Variants in ATP8B1 observed in about 807,000 individuals in gnomAD.
ATP8B1 encodes the protein phospholipid-transporting ATPase IC.
In ATP8B1, 80 loss-of-function variants were observed where a neutral mutation model predicts 149.9. The ratio of observed to expected loss-of-function variants is 0.53; its 90% confidence interval spans 0.45 to 0.64. ATP8B1 has a LOEUF of 0.64. ATP8B1 is among the 30% of genes least tolerant of loss of function. The pLI is 0.00. For missense variants in ATP8B1, 1,247 were observed against 1,552.6 expected (o/e 0.80, Z 3.31); for synonymous variants, 536 against 562.8 (o/e 0.95, Z 0.67).
chr18:57,662,148 T>C (rs1910495065), intron 21 of ATP8B1, among the ~76,000 whole-genome samples: 1 of 152,170 alleles, frequency 6.6e-6, no homozygotes, highest in African/African-American at 2.4e-5. Flanking sequence ...ACCCTCCTGC[T>C]TCAACCTCCA....
intron 2 of ATP8B1, among the ~76,000 whole-genome samples, chr18:57,717,547 CAAAAAAAAAAAAAAAAAAAAAAAA>C (rs1163024544): frequency 2.3e-3 from 46 of 19,922 alleles, no homozygotes; most frequent in East Asian, 0.015. Context: ...GACTCTGTCT[CAAAAAAAAAAAAAAAAAAAAAAAA>C]AAAAAAAAAA....
At chr18:57,735,089 TG>T (rs1403012424) in intron 1 of ATP8B1, 1 of 152,434 alleles carries the variant, frequency 6.6e-6, no homozygotes, top group Non-Finnish European at 1.5e-5. Context: ...CAACCCCCTT[TG>T]GGTCCCCTCC....
intron 1 of ATP8B1, among the ~76,000 whole-genome samples, chr18:57,777,290 T>TATC (rs1414835807): frequency 6.6e-6 from 1 of 152,194 alleles, no homozygotes. Context: ...GCTAATTTCT[T>TATC]ATCTATTGAA....
chr18:57,681,923 A>G (rs926633476), intron 15 of ATP8B1, among the ~76,000 whole-genome samples: 12 of 152,190 alleles, frequency 7.9e-5, no homozygotes, highest in African/African-American at 2.4e-4. Context: ...CTAGAAGCCA[A>G]CATGTCTCTA....
At position 57,685,023 on chromosome 18, in the gene ATP8B1, C is replaced by T. The variant is rs1322192267; in HGVS notation, c.1473+49G>A. ...CAAAGGAAGCATGGCCCTGCTGGGA[C>T]CCTGACATCCCCAGCATCCCAAACG... On this transcript the variant is annotated intron_variant, in intron 14 of 27. Transcript: ENST00000648908. 2.5e-6 allele frequency: 4 copies of T among 1,600,388 alleles called. No individual in the cohort carries two copies. The Admixed American group carries it at 6.7e-5, about 27-fold the overall frequency.
chr18:57,709,632 G>C (rs1050176597), intron 2 of ATP8B1, among the ~76,000 whole-genome samples: 2 of 152,036 alleles, frequency 1.3e-5, no homozygotes, highest in Non-Finnish European at 2.9e-5. Flanking sequence ...TTTACAGAAA[G>C]AGTAAGCATC....
At chr18:57,747,841 G>C (rs568812974) in intron 1 of ATP8B1, among the ~76,000 whole-genome samples, 8 of 152,278 alleles carry the variant, frequency 5.3e-5, no homozygotes, top group Middle Eastern at 3.4e-3. Context: ...AGTCAGCTTA[G>C]AGTACTCAAC....
At chr18:57,800,918 A>G (rs898469945) in intron 1 of ATP8B1, among the ~76,000 whole-genome samples, 2 of 152,246 alleles carry the variant, frequency 1.3e-5, no homozygotes, top group African/African-American at 4.8e-5. Flanking sequence ...TAGTGACTCC[A>G]TTAGCACTAA....
chr18:57,774,638 CG>C (rs1326841816), intron 1 of ATP8B1, among the ~76,000 whole-genome samples: 1 of 152,080 alleles, frequency 6.6e-6, no homozygotes, highest in Non-Finnish European at 1.5e-5. Context: ...CTCTTCTAAC[CG>C]GAATGTACAC....
chr18:57,742,692 T>C (rs1276252737), intron 1 of ATP8B1, among the ~76,000 whole-genome samples: 1 of 151,856 alleles, frequency 6.6e-6, no homozygotes, highest in East Asian at 1.9e-4. Context: ...AAGAATTAGC[T>C]GGGCACCTGT....
chr18:57,670,763 A>G (rs1370735942), intron 17 of ATP8B1, among the ~76,000 whole-genome samples: 3 of 151,172 alleles, frequency 2.0e-5, no homozygotes, highest in African/African-American at 7.3e-5. Flanking sequence ...CTGGAGTGCA[A>G]TGGTACGATC....
intron 1 of ATP8B1, among the ~76,000 whole-genome samples, chr18:57,751,042 G>A (rs1015825800): frequency 2.6e-5 from 4 of 152,178 alleles, no homozygotes; most frequent in African/African-American, 9.7e-5. Context: ...AGAATTGCTT[G>A]AGCCCAGGAG....
chr18:57,676,348 G>A (rs1327311902), intron 15 of ATP8B1, among the ~76,000 whole-genome samples: 1 of 150,818 alleles, frequency 6.6e-6, no homozygotes, highest in African/African-American at 2.4e-5. Context: ...TTTTTGTAGA[G>A]ACAGGATCTC....
intron 1 of ATP8B1, among the ~76,000 whole-genome samples, chr18:57,791,357 T>C (rs2123451979): frequency 6.7e-6 from 1 of 148,284 alleles, no homozygotes; most frequent in East Asian, 1.9e-4. Flanking sequence ...TTTTCTTTTT[T>C]TTTTTTTTTT....
intron 3 of ATP8B1, among the ~76,000 whole-genome samples, chr18:57,705,081 G>C (rs1458714066): frequency 1.3e-5 from 2 of 152,072 alleles, no homozygotes; most frequent in African/African-American, 2.4e-5. Context: ...CCTTAAAAAA[G>C]AAAAGAAGAA....
At chr18:57,796,960 G>A (rs1311557268) in intron 1 of ATP8B1, among the ~76,000 whole-genome samples, 1 of 152,178 alleles carries the variant, frequency 6.6e-6, no homozygotes, top group African/African-American at 2.4e-5. Context: ...AAAATGTTAA[G>A]TGTTCCTTCT....
chr18:57,651,940 C>G (rs1418658035), intron 26 of ATP8B1, 94 bp downstream of exon 26: 8 of 1,478,648 alleles, frequency 5.4e-6, no homozygotes, highest in Non-Finnish European at 7.5e-6. Context: ...AGCCATTCCA[C>G]CTTGTATATT....
chr18:57,717,523 G>C (rs1340920922), intron 2 of ATP8B1, among the ~76,000 whole-genome samples: 1 of 95,536 alleles, frequency 1.0e-5, no homozygotes, highest in Non-Finnish European at 1.8e-5. Flanking sequence ...ACTCCAACCT[G>C]GGTAACAGAG....
Position 57,655,421 on chromosome 18 carries a change from T to G in ATP8B1, c.2708-4A>C, listed in dbSNP as rs1386745588. ...ATTCCAACGCCAATGTGGGCAGCTA[T>G]GGGGCAGAGGGAGAAAACACTGTGG... On this transcript the variant is annotated splice_polypyrimidine_tract_variant and splice_region_variant and intron_variant, in intron 22 of 27. Coordinates refer to ENST00000648908, the MANE Select transcript of ATP8B1 (RefSeq NM_001374385.1). 97 of 1,613,240 alleles carry G rather than the reference T, an allele frequency of 6.0e-5. No homozygotes were observed. The highest frequency in any genetic ancestry group is 8.1e-5 in the Non-Finnish European group (96 of 1,179,274).
Sources: gnomAD v4.1 joint callset for allele counts (sites outside exome capture counted in the v4.1 genomes callset) on GRCh38, gnomAD v4.1.1 for gene constraint, MANE v1.5 for transcripts, NCBI Gene and HGNC (gene_info 2026-07-23, HGNC 2026-07-21) for gene names.